SDK1: variants seen among roughly 807,000 people sequenced by gnomAD.
The protein encoded by SDK1 is protein sidekick-1.
A neutral mutation model predicts 245.5 loss-of-function variants in SDK1; 157 were observed. That is an observed-to-expected ratio of 0.64 (90% CI 0.56 to 0.73). SDK1 has a LOEUF of 0.73. SDK1 is among the 30% of genes least tolerant of loss of function. The probability of loss-of-function intolerance (pLI) is 0.00; values close to 1 mark genes in which losing one functional copy is unlikely to be tolerated. For synonymous variants in SDK1, 1,647 were observed against 1,278.5 expected, an observed-to-expected ratio of 1.29 and a Z score of -6.15; for missense variants, 3,583 against 3,002.3, an observed-to-expected ratio of 1.19 and a Z score of -4.52.
intron 25 of SDK1, among the ~76,000 whole-genome samples, chr7:4,121,023 C>T (rs4723397): frequency 0.22 from 32,716 of 150,928 alleles, 4,486 homozygotes; most frequent in East Asian, 0.74. Context: ...GAAAACCTAT[C>T]TTTATAGTAG....
chr7:3,964,599 A>G (rs1472710071), intron 9 of SDK1, among the ~76,000 whole-genome samples: 1 of 152,122 alleles, frequency 6.6e-6, no homozygotes, highest in Non-Finnish European at 1.5e-5. Flanking sequence ...AAAGGTTTTC[A>G]TTGTTTCTGT....
chr7:4,037,241 A>C (rs892276197), intron 17 of SDK1, among the ~76,000 whole-genome samples: 6 of 152,212 alleles, frequency 3.9e-5, no homozygotes, highest in African/African-American at 1.4e-4. Context: ...AAGATCATTA[A>C]ATCGAACAAG....
intron 1 of SDK1, among the ~76,000 whole-genome samples, chr7:3,345,343 A>T (rs974560599): frequency 3.7e-4 from 56 of 152,232 alleles, no homozygotes; most frequent in African/African-American, 1.3e-3. Flanking sequence ...AGGAAACAAA[A>T]AGAGACTGAA....
chr7:3,560,560 T>A (rs2614946), intron 1 of SDK1, among the ~76,000 whole-genome samples: 2,683 of 152,312 alleles, frequency 0.018, 28 homozygotes, highest in Non-Finnish European at 0.029. Context: ...CTTACCTGGA[T>A]TCCTGCACTG....
intron 4 of SDK1, among the ~76,000 whole-genome samples, chr7:3,789,948 G>A (rs879417480): frequency 2.6e-5 from 4 of 152,146 alleles, no homozygotes; most frequent in Admixed American, 2.6e-4. Flanking sequence ...AGTGGCAGGA[G>A]TGGTGGGAAG....
chr7:3,647,091 ATAAT>A (rs1366802825), intron 4 of SDK1, among the ~76,000 whole-genome samples: 1 of 152,212 alleles, frequency 6.6e-6, no homozygotes, highest in South Asian at 2.1e-4. Flanking sequence ...AGTGGTTAAA[ATAAT>A]TAATCTTAGG....
intron 12 of SDK1, among the ~76,000 whole-genome samples, chr7:3,973,831 T>C (rs982446422): frequency 6.6e-6 from 1 of 152,140 alleles, no homozygotes; most frequent in African/African-American, 2.4e-5. Context: ...ATGACCAAGA[T>C]TTCTGGTTGC....
chr7:3,767,561 C>T (rs143475906), intron 4 of SDK1, among the ~76,000 whole-genome samples: 1 of 152,310 alleles, frequency 6.6e-6, no homozygotes, highest in African/African-American at 2.4e-5. Context: ...ATGCCAGGCA[C>T]TGATCTGGTG....
chr7:4,051,874 A>G (rs1433716336), intron 19 of SDK1, 44 bp downstream of exon 19: 1 of 1,546,678 alleles, frequency 6.5e-7, no homozygotes. Context: ...CTTGTCAAAG[A>G]GGTGTATACC....
chr7:3,565,332 C>T (rs1206322352), intron 1 of SDK1, among the ~76,000 whole-genome samples: 1 of 152,106 alleles, frequency 6.6e-6, no homozygotes, highest in East Asian at 1.9e-4. Flanking sequence ...CAGACCTATT[C>T]AACAGAGGGA....
intron 2 of SDK1, among the ~76,000 whole-genome samples, chr7:3,630,804 T>C (rs1782266675): frequency 6.6e-6 from 1 of 151,512 alleles, no homozygotes; most frequent in African/African-American, 2.4e-5. Context: ...TCTGAAGGCT[T>C]AGTATTATTA....
At chr7:3,538,143 G>T (rs1326221843) in intron 1 of SDK1, among the ~76,000 whole-genome samples, 5 of 152,186 alleles carry the variant, frequency 3.3e-5, no homozygotes, top group African/African-American at 1.2e-4. Flanking sequence ...ATGACATCCA[G>T]GATGTCATGG....
intron 1 of SDK1, among the ~76,000 whole-genome samples, chr7:3,431,381 T>TTTTTTTTA (rs1244835106): frequency 6.7e-6 from 1 of 148,200 alleles, no homozygotes; most frequent in African/African-American, 2.5e-5. Flanking sequence ...TTTTTTTTTT[T>TTTTTTTTA]AAAGCAAATT....
chr7:3,499,460 A>C (rs1333868516), intron 1 of SDK1, among the ~76,000 whole-genome samples: 1 of 152,200 alleles, frequency 6.6e-6, no homozygotes, highest in Non-Finnish European at 1.5e-5. Flanking sequence ...CAAACTACCC[A>C]ACTTCAGGTT....
intron 22 of SDK1, among the ~76,000 whole-genome samples, chr7:4,087,303 C>G (rs539635456): frequency 6.6e-6 from 1 of 152,208 alleles, no homozygotes; most frequent in South Asian, 2.1e-4. Flanking sequence ...TGATTTGTAA[C>G]ATTAAATTCT....
chr7:3,862,598 G>C (rs2115119774), intron 5 of SDK1, among the ~76,000 whole-genome samples: 1 of 152,226 alleles, frequency 6.6e-6, no homozygotes, highest in East Asian at 1.9e-4. Context: ...TATTTGTTAG[G>C]CAAAGCTTGA....
intron 1 of SDK1, among the ~76,000 whole-genome samples, chr7:3,496,028 A>G (rs1372185043): frequency 1.3e-5 from 2 of 152,190 alleles, no homozygotes; most frequent in African/African-American, 4.8e-5. Flanking sequence ...TAATTGTAAA[A>G]CACACTTAAG....
At chr7:3,810,707 A>G (rs1456594552) in intron 4 of SDK1, among the ~76,000 whole-genome samples, 1 of 152,254 alleles carries the variant, frequency 6.6e-6, no homozygotes, top group Non-Finnish European at 1.5e-5. Context: ...CCTACTAGAC[A>G]GCATCTTTCC....
intron 1 of SDK1, among the ~76,000 whole-genome samples, chr7:3,425,295 T>C (rs1332884280): frequency 1.3e-5 from 2 of 152,212 alleles, no homozygotes; most frequent in African/African-American, 4.8e-5. Flanking sequence ...ATGGCCCTTA[T>C]CTGTTGAGGA....
Sources: allele counts gnomAD v4.1 joint callset (sites outside exome capture counted in the v4.1 genomes callset), GRCh38; gene constraint gnomAD v4.1.1; transcripts MANE v1.5; gene names NCBI Gene and HGNC (gene_info 2026-07-23, HGNC 2026-07-21).